Variants in DAPK1 observed in about 807,000 individuals in gnomAD.
DAPK1 encodes the protein death-associated protein kinase 1.
In DAPK1, 56 loss-of-function variants were observed where a neutral mutation model predicts 144.9. The observed-to-expected ratio is 0.39, with a 90% CI of 0.31 to 0.48. The LOEUF (loss-of-function observed/expected upper bound fraction) is 0.48, where lower values mean the gene tolerates loss of function less well. DAPK1 is among the 20% of genes least tolerant of loss of function. DAPK1 has a pLI of 0.95. For missense variants in DAPK1, 1,454 were observed against 1,875.4 expected, an observed-to-expected ratio of 0.78 and a Z score of 4.15; for synonymous variants, 690 against 749.0, an observed-to-expected ratio of 0.92 and a Z score of 1.29.
intron 2 of DAPK1, among the ~76,000 whole-genome samples, chr9:87,502,812 G>A (rs539144578): frequency 2.6e-5 from 4 of 152,256 alleles, no homozygotes; most frequent in African/African-American, 9.6e-5. Flanking sequence ...TTTGCAGCCA[G>A]CTTGTGAGTT....
chr9:87,697,035 C>A lies in DAPK1; in HGVS notation c.2442C>A (p.Phe814Leu). Residue 814 changes from phenylalanine to leucine, a missense_variant, in exon 22 of 26, where the codon TTC becomes TTA. Physicochemically the swap from Phe to Leu is conservative, Grantham distance 22. This residue lies in a region of DAPK1 where 1,025 missense variants were observed against 1,237.9 expected (regional missense o/e 0.83). Transcript: ENST00000408954. ...NGVGDFSVWEFSGNPVYFCCY... is the reference protein window; with the variant it reads ...NGVGDFSVWELSGNPVYFCCY... ...TTGGCGATTTCAGCGTGTGGGAGTT[C>A]TCTGGAAATCCTGTGTATTTCTGCT... The A allele has an allele frequency of 1.3e-6, 2 of 1,594,242 alleles. No individual in the cohort carries two copies. Among genetic ancestry groups the A allele is most frequent in the Non-Finnish European group, 1.7e-6 (2 of 1,161,890 alleles).
At chr9:87,600,199 C>A (rs1828467134) in intron 2 of DAPK1, among the ~76,000 whole-genome samples, 1 of 152,196 alleles carries the variant, frequency 6.6e-6, no homozygotes, top group Non-Finnish European at 1.5e-5. Flanking sequence ...GCAGCAGCCT[C>A]TCCAATTTTC....
In DAPK1 at chr9:87,524,322, C is replaced by A. The variant is rs1217894074; in HGVS notation, c.62+25183C>A. On this transcript the variant is annotated intron_variant, in intron 2 of 25. Transcript: ENST00000408954. Reference sequence around the variant, plus strand: ...GCTGGACCTGAGAGTCAGGGAGCACCTCTTGTATGCCAGCCATGCTGGGTC... The same window carrying A: ...GCTGGACCTGAGAGTCAGGGAGCACATCTTGTATGCCAGCCATGCTGGGTC... Among the ~76,000 whole-genome samples the A allele has an allele frequency of 2.6e-5, 4 of 152,196 alleles. No homozygotes were observed. The South Asian group carries it at 8.3e-4, about 32-fold the overall frequency.
chr9:87,677,186 G>C (rs1045902298), intron 19 of DAPK1, among the ~76,000 whole-genome samples: 1 of 152,156 alleles, frequency 6.6e-6, no homozygotes, highest in African/African-American at 2.4e-5. Flanking sequence ...TATTGTGCTG[G>C]CCCATGAAAC....
At chr9:87,640,524 C>G in intron 8 of DAPK1, 74 bp downstream of exon 8, 1 of 1,494,532 alleles carries the variant, frequency 6.7e-7, no homozygotes, top group South Asian at 1.3e-5. Context: ...GTTCCATGCA[C>G]AGGGCCACGT....
At chr9:87,511,667 T>TG (rs1326390997) in intron 2 of DAPK1, among the ~76,000 whole-genome samples, 2 of 145,178 alleles carry the variant, frequency 1.4e-5, no homozygotes, top group Non-Finnish European at 1.5e-5. Flanking sequence ...TTCTTTTTCT[T>TG]TTGTGTGTGT....
intron 2 of DAPK1, among the ~76,000 whole-genome samples, chr9:87,559,998 C>A (rs1006889788): frequency 2.4e-5 from 3 of 127,352 alleles, no homozygotes; most frequent in Non-Finnish European, 3.2e-5. Flanking sequence ...TTTTTCTTTC[C>A]TTTTTTCTTT....
intron 21 of DAPK1, among the ~76,000 whole-genome samples, chr9:87,692,247 T>A (rs1445020254): frequency 6.6e-6 from 1 of 152,052 alleles, no homozygotes; most frequent in Non-Finnish European, 1.5e-5. Context: ...CCTTCTTTTT[T>A]TTTTTTTGAC....
chr9:87,531,817 G>A (rs534598720), intron 2 of DAPK1, among the ~76,000 whole-genome samples: 5 of 152,316 alleles, frequency 3.3e-5, no homozygotes, highest in Admixed American at 2.0e-4. Flanking sequence ...AATGCAGGAA[G>A]AGAGGCAAGT....
At chr9:87,682,457 G>C (rs1824668432) in intron 20 of DAPK1, among the ~76,000 whole-genome samples, 2 of 152,170 alleles carry the variant, frequency 1.3e-5, no homozygotes, top group African/African-American at 2.4e-5. Context: ...CTCTGTATAT[G>C]ATGTCACAGA....
In DAPK1 at chr9:87,698,768, ATCG is replaced by A; in HGVS notation, c.2726_2728del (p.Ser909del). 1 of 1,607,770 alleles carries A rather than the reference ATCG, an allele frequency of 6.2e-7. No homozygotes were observed. The highest frequency in any genetic ancestry group is 8.5e-7 in the Non-Finnish European group (1 of 1,174,246). Reference sequence around the variant, plus strand: ...GCGAGTTTGGATATGACAAAGACACATCGTTGCTGAAAGAGATTAGGAACAGGT... The same window carrying A: ...GCGAGTTTGGATATGACAAAGACACATTGCTGAAAGAGATTAGGAACAGGT... On this transcript the variant is annotated inframe_deletion, in exon 23 of 26. Transcript: ENST00000408954.
At chr9:87,677,588 T>A (rs1038646610) in intron 19 of DAPK1, among the ~76,000 whole-genome samples, 1 of 152,200 alleles carries the variant, frequency 6.6e-6, no homozygotes, top group East Asian at 1.9e-4. Context: ...TGACTGGATT[T>A]AACCAGGAGC....
At chr9:87,584,271 G>T (rs1827858550) in intron 2 of DAPK1, among the ~76,000 whole-genome samples, 1 of 152,048 alleles carries the variant, frequency 6.6e-6, no homozygotes, top group Admixed American at 6.6e-5. Context: ...TTGTAAAATA[G>T]CTCTCTTGAA....
chr9:87,525,585 A>G (rs1825477519), intron 2 of DAPK1: 2 of 792,610 alleles, frequency 2.5e-6, no homozygotes, highest in Admixed American at 4.4e-5. Flanking sequence ...AATGCGTTGA[A>G]TAAACGAAGG....
intron 2 of DAPK1, among the ~76,000 whole-genome samples, chr9:87,546,625 A>T (rs1162226316): frequency 3.3e-5 from 5 of 152,198 alleles, no homozygotes; most frequent in Non-Finnish European, 5.9e-5. Context: ...GAAAACAGAG[A>T]TGTGGGATCA....
At chr9:87,620,361 A>G (rs533939888) in intron 3 of DAPK1, among the ~76,000 whole-genome samples, 1 of 152,092 alleles carries the variant, frequency 6.6e-6, no homozygotes, top group African/African-American at 2.4e-5. Context: ...CCCCCTCCTC[A>G]GACTAAGGGA....
rs1564056419 is a variant in DAPK1 at position 87,662,573 on chromosome 9, T to TG, written c.1923+4446_1923+4447insG. Among the ~76,000 whole-genome samples the TG allele has an allele frequency of 1.2e-3, 175 of 140,128 alleles. 2 individuals carry two copies. Among genetic ancestry groups the TG allele is most frequent in the African/African-American group, 4.5e-3 (170 of 37,928 alleles). 91.9% of individuals were successfully genotyped at this position (140,128 alleles called of 152,430 possible). On this transcript the variant is annotated intron_variant, in intron 18 of 25. Coordinates refer to ENST00000408954, the MANE Select transcript of DAPK1 (RefSeq NM_004938.4). ...AATATATTCCTAGTTTTTTTTTTTT[T>TG]TTTTTTTTTTTTGGTAGCTATTGTA...
At chr9:87,600,096 A>G (rs1000812720) in intron 2 of DAPK1, among the ~76,000 whole-genome samples, 3 of 152,200 alleles carry the variant, frequency 2.0e-5, no homozygotes, top group Admixed American at 6.5e-5. Flanking sequence ...CCAATAAAAA[A>G]CATGACACTA....
At chr9:87,697,734 C>T (rs1825310293) in intron 22 of DAPK1, among the ~76,000 whole-genome samples, 1 of 152,200 alleles carries the variant, frequency 6.6e-6, no homozygotes. Flanking sequence ...GGGCAGATGC[C>T]TTGAGCTCAG....
Sources: allele counts gnomAD v4.1 joint callset (sites outside exome capture counted in the v4.1 genomes callset), GRCh38; gene constraint gnomAD v4.1.1; regional missense constraint gnomAD v4.1.1; transcripts MANE v1.5; gene names NCBI Gene and HGNC (gene_info 2026-07-23, HGNC 2026-07-21).